Variants in CRISP2 observed in about 807,000 individuals in gnomAD.
CRISP2 encodes the protein cysteine-rich secretory protein 2.
CRISP2 carries 29 observed loss-of-function variants against 31.7 expected under a neutral mutation model. That is an observed-to-expected ratio of 0.92 (90% CI 0.68 to 1.25). CRISP2 has a LOEUF of 1.25. Among genes scored for constraint, CRISP2 ranks in the 50% most tolerant of loss-of-function variants. CRISP2 has a pLI of 0.00. For missense variants in CRISP2, 318 were observed against 286.5 expected (o/e 1.11, Z -0.79); for synonymous variants, 111 against 101.4 (o/e 1.09, Z -0.57).
At chr6:49,679,131 T>G in the CRISP2 span, among the ~76,000 whole-genome samples, 2 of 152,222 alleles carry the variant, frequency 1.3e-5, no homozygotes, top group Non-Finnish European at 2.9e-5. Context: ...TAGATTTGCA[T>G]GAACACATTG....
intron 6 of CRISP2, among the ~76,000 whole-genome samples, chr6:49,698,781 A>G (rs547909732): frequency 9.2e-5 from 14 of 152,198 alleles, no homozygotes; most frequent in Non-Finnish European, 1.8e-4. Flanking sequence ...AATTTTCCAC[A>G]TGTGTATGCC....
chr6:49,707,114 A>G (rs1767176411), intron 4 of CRISP2, among the ~76,000 whole-genome samples: 1 of 152,208 alleles, frequency 6.6e-6, no homozygotes, highest in Admixed American at 6.5e-5. Flanking sequence ...ATTGTACTGA[A>G]AAAGAGATGT....
At chr6:49,703,756 C>T (rs77755051) in intron 4 of CRISP2, among the ~76,000 whole-genome samples, 28,830 of 152,042 alleles carry the variant, frequency 0.19, 3,028 homozygotes, top group Admixed American at 0.33. Flanking sequence ...TTATAGGTTA[C>T]CTGATGCTTT....
Position 49,698,430 on chromosome 6 carries a change from C to T in CRISP2, c.349G>A (p.Glu117Lys), listed in dbSNP as rs776489954. Residue 117 changes from glutamate (E) to lysine (K), a missense_variant, in exon 7 of 10, where the codon GAG (glutamate) becomes AAG (lysine). By Grantham distance (56) the Glu-to-Lys change is moderately conservative. Transcript: ENST00000339139. ...WSSAIQSWYD[E>K]ILDFVYGVGP... Reference sequence around the variant, plus strand: ...ACACCATAGACAAAATCTAGGATCTCGTCATACCAGCTTTGGATTGCAGAA... The same window carrying T: ...ACACCATAGACAAAATCTAGGATCTTGTCATACCAGCTTTGGATTGCAGAA... The T allele has an allele frequency of 5.4e-5, 87 of 1,613,272 alleles. No individual in the cohort carries two copies. The highest frequency in any genetic ancestry group is 4.7e-4 in the African/African-American group (35 of 74,870).
chr6:49,707,225 T>C (rs1342109213), intron 4 of CRISP2, among the ~76,000 whole-genome samples: 1 of 152,184 alleles, frequency 6.6e-6, no homozygotes, highest in African/African-American at 2.4e-5. Context: ...TTATATTGAA[T>C]AAGTGACGTG....
the CRISP2 span, among the ~76,000 whole-genome samples, chr6:49,683,319 A>G: frequency 6.6e-6 from 1 of 152,038 alleles, no homozygotes; most frequent in African/African-American, 2.4e-5. Context: ...TGTTCACCCA[A>G]CCAGGACCCT....
chr6:49,712,371 T>C (rs903165876), intron 2 of CRISP2, 130 bp downstream of exon 2: 11 of 152,232 alleles, frequency 7.2e-5, no homozygotes, highest in African/African-American at 1.9e-4. Flanking sequence ...GAAAGCAATG[T>C]CACTGTTGGT....
chr6:49,687,017 T>C, the CRISP2 span, among the ~76,000 whole-genome samples: 89,294 of 150,724 alleles, frequency 0.59, 26,978 homozygotes, highest in East Asian at 0.8. Flanking sequence ...AACACATGGA[T>C]ACAGGAGGGG....
At chr6:49,696,268 G>A (rs1281968641) in intron 8 of CRISP2, among the ~76,000 whole-genome samples, 1 of 152,088 alleles carries the variant, frequency 6.6e-6, no homozygotes, top group Non-Finnish European at 1.5e-5. Context: ...CCAATTAGGG[G>A]TAAAACATCC....
the CRISP2 span, among the ~76,000 whole-genome samples, chr6:49,681,793 G>C: frequency 6.6e-6 from 1 of 151,960 alleles, no homozygotes; most frequent in African/African-American, 2.4e-5. Flanking sequence ...CTCCTAAGTA[G>C]CTTGGATTCC....
In CRISP2 at chr6:49,709,154, G is replaced by C; in HGVS notation, c.43C>G (p.Pro15Ala). Residue 15 changes from proline (P) to alanine (A), a missense_variant, in exon 4 of 10, where the codon CCA becomes GCA. Pro to Ala is a conservative substitution (Grantham distance 27). Coordinates refer to ENST00000339139, the MANE Select transcript of CRISP2 (RefSeq NM_003296.4). The part of the protein sequence containing the change: ...PVLFLVTVLL[P>A]SLPAEGKDPA... ...ACCTTTCCTTCTGCAGGTAAAGATG[G>C]AAGCAGCACAGTAACCAGAAACAAC... 1.2e-6 allele frequency: 2 copies of C among 1,613,758 alleles called. No homozygotes were observed. The highest frequency in any genetic ancestry group is 8.5e-7 in the Non-Finnish European group (1 of 1,179,894).
At chr6:49,678,688 T>C in the CRISP2 span, among the ~76,000 whole-genome samples, 1 of 152,126 alleles carries the variant, frequency 6.6e-6, no homozygotes, top group Non-Finnish European at 1.5e-5. Context: ...TGTTTTACCA[T>C]TAGAACTAGT....
chr6:49,704,708 T>C (rs751730334), intron 4 of CRISP2, among the ~76,000 whole-genome samples: 1 of 152,142 alleles, frequency 6.6e-6, no homozygotes, highest in Non-Finnish European at 1.5e-5. Context: ...CATCTTCAGG[T>C]ATCTCAGCCA....
chr6:49,702,139 CTATATATATATATATATATATATAT>C (rs1357271447), intron 4 of CRISP2, among the ~76,000 whole-genome samples: 17 of 91,530 alleles, frequency 1.9e-4, no homozygotes, highest in South Asian at 3.6e-4. Flanking sequence ...TATATGTGTA[CTATATATATATATATATATATATAT>C]ATATATATAT....
intron 7 of CRISP2, 54 bp downstream of exon 7, chr6:49,698,308 G>A: frequency 6.3e-7 from 1 of 1,587,358 alleles, no homozygotes; most frequent in Non-Finnish European, 8.6e-7. Flanking sequence ...ATTTGGAGAA[G>A]CTTTCCTCTA....
chr6:49,682,633 TTC>T, the CRISP2 span, among the ~76,000 whole-genome samples: 1 of 41,502 alleles, frequency 2.4e-5, no homozygotes, highest in African/African-American at 1.7e-4. Context: ...CTTTCTTTCT[TTC>T]TTTCTTTCTT....
chr6:49,708,080 G>A (rs1767380748), intron 4 of CRISP2, among the ~76,000 whole-genome samples: 1 of 151,992 alleles, frequency 6.6e-6, no homozygotes, highest in South Asian at 2.1e-4. Flanking sequence ...TGTTAATATA[G>A]TGGAGAAATT....
the CRISP2 span, among the ~76,000 whole-genome samples, chr6:49,679,100 C>T: frequency 6.6e-6 from 1 of 152,092 alleles, no homozygotes; most frequent in African/African-American, 2.4e-5. Flanking sequence ...ATTGAGTGAA[C>T]ATTTTCCTAT....
At chr6:49,686,766 C>A in the CRISP2 span, among the ~76,000 whole-genome samples, 2 of 152,108 alleles carry the variant, frequency 1.3e-5, no homozygotes, top group African/African-American at 2.4e-5. Flanking sequence ...ATGCTTATTG[C>A]GGCATTATTC....
Sources: gnomAD v4.1 joint callset for allele counts (sites outside exome capture counted in the v4.1 genomes callset) on GRCh38, gnomAD v4.1.1 for gene constraint, MANE v1.5 for transcripts, NCBI Gene and HGNC (gene_info 2026-07-23, HGNC 2026-07-21) for gene names.